The following NEGR1 variants were observed in gnomAD, a reference collection of about 807,000 sequenced individuals.
The protein encoded by NEGR1 is neuronal growth regulator 1, also known as IgLON family member 4.
A neutral mutation model predicts 40.9 loss-of-function variants in NEGR1; 10 were observed. The ratio of observed to expected loss-of-function variants is 0.24; its 90% confidence interval spans 0.15 to 0.42. The LOEUF is 0.42. NEGR1 is among the 10% of genes least tolerant of loss of function. The pLI, the probability that NEGR1 is intolerant of heterozygous loss-of-function variation, is 1.00. For missense variants in NEGR1, 352 were observed against 438.9 expected, an observed-to-expected ratio of 0.80 and a Z score of 1.77; for synonymous variants, 185 against 166.8, an observed-to-expected ratio of 1.11 and a Z score of -0.84.
intron 1 of NEGR1, among the ~76,000 whole-genome samples, chr1:72,230,810 A>G (rs1272431205): frequency 6.6e-6 from 1 of 152,122 alleles, no homozygotes; most frequent in East Asian, 1.9e-4. Context: ...CTCCCAAATA[A>G]TAAATTATAT....
At chr1:72,274,622 G>A in intron 1 of NEGR1, 2 of 808,030 alleles carry the variant, frequency 2.5e-6, no homozygotes, top group Non-Finnish European at 4.5e-6. Context: ...TATGGCCTTG[G>A]AGAACTGCCC....
chr1:71,485,507 C>T (rs1419140238), intron 6 of NEGR1, among the ~76,000 whole-genome samples: 1 of 151,550 alleles, frequency 6.6e-6, no homozygotes, highest in East Asian at 2.0e-4. Context: ...TGGGTTTGGA[C>T]AAGTGCTTAA....
chr1:71,505,444 A>G (rs1033858688), intron 6 of NEGR1, among the ~76,000 whole-genome samples: 2 of 151,928 alleles, frequency 1.3e-5, no homozygotes, highest in African/African-American at 2.4e-5. Flanking sequence ...ACTGCGCCAG[A>G]CTAATTTTTT....
chr1:71,950,491 C>A lies in NEGR1; in HGVS notation c.177-15180G>T, dbSNP rs993030763. 2.6e-5 allele frequency among the ~76,000 whole-genome samples: 4 copies of A among 152,006 alleles called. No individual in the cohort carries two copies. In the South Asian group the frequency reaches 8.3e-4, roughly 31 times the overall value. ...ATATTTTCATCCTCAAATACTGTTT[C>A]ATTCTTGAACCGATTTCCTATGTAA... On this transcript the variant is annotated intron_variant, in intron 1 of 6. Coordinates refer to ENST00000357731, the MANE Select transcript of NEGR1 (RefSeq NM_173808.3).
chr1:71,807,832 A>C (rs1557660060), intron 2 of NEGR1, among the ~76,000 whole-genome samples: 1 of 152,154 alleles, frequency 6.6e-6, no homozygotes, highest in Non-Finnish European at 1.5e-5. Flanking sequence ...ATCACCAAAA[A>C]AGCTCTGAGA....
intron 2 of NEGR1, among the ~76,000 whole-genome samples, chr1:71,796,794 A>C (rs1267151390): frequency 6.6e-6 from 1 of 152,158 alleles, no homozygotes. Context: ...CAAAAGAAGT[A>C]AGTAAATTGC....
intron 1 of NEGR1, among the ~76,000 whole-genome samples, chr1:71,997,952 T>C (rs1167932147): frequency 3.3e-5 from 5 of 151,972 alleles, no homozygotes; most frequent in African/African-American, 1.2e-4. Flanking sequence ...AAAATTAACA[T>C]TTTTAGGCTT....
chr1:72,249,744 G>A (rs1382152859), intron 1 of NEGR1, among the ~76,000 whole-genome samples: 1 of 150,474 alleles, frequency 6.6e-6, no homozygotes, highest in Non-Finnish European at 1.5e-5. Context: ...GAGAAAGAGG[G>A]AGGAGAGATG....
chr1:72,178,689 G>GTT (rs1247429928), intron 1 of NEGR1, among the ~76,000 whole-genome samples: 1,934 of 149,236 alleles, frequency 0.013, 44 homozygotes, highest in African/African-American at 0.045. Flanking sequence ...GCCAGCGTCT[G>GTT]TTTTTTTTTG....
At chr1:72,265,329 TAGTA>T (rs900747987) in intron 1 of NEGR1, among the ~76,000 whole-genome samples, 3 of 151,060 alleles carry the variant, frequency 2.0e-5, no homozygotes, top group East Asian at 1.9e-4. Context: ...AATTTTGTGA[TAGTA>T]AGGTCAATCA....
At chr1:72,000,968 G>A (rs1384068763) in intron 1 of NEGR1, among the ~76,000 whole-genome samples, 1 of 152,016 alleles carries the variant, frequency 6.6e-6, no homozygotes, top group East Asian at 1.9e-4. Flanking sequence ...CAGCCCCATA[G>A]ATAAGAAAGG....
intron 4 of NEGR1, among the ~76,000 whole-genome samples, chr1:71,678,954 T>C (rs188018891): frequency 5.9e-5 from 9 of 152,232 alleles, no homozygotes; most frequent in Admixed American, 5.2e-4. Context: ...CACTCTATCC[T>C]GAAGAATGGA....
chr1:71,837,717 C>T (rs1333649794), intron 2 of NEGR1, among the ~76,000 whole-genome samples: 2 of 151,986 alleles, frequency 1.3e-5, no homozygotes, highest in Admixed American at 6.6e-5. Flanking sequence ...GCAATCCCAC[C>T]TCCCAAACCG....
At chr1:71,801,774 A>G (rs914521523) in intron 2 of NEGR1, among the ~76,000 whole-genome samples, 5 of 152,270 alleles carry the variant, frequency 3.3e-5, no homozygotes, top group African/African-American at 1.2e-4. Flanking sequence ...TTTCGCCCAA[A>G]CACTCCAATA....
At chr1:71,745,541 A>G (rs1655353969) in intron 3 of NEGR1, among the ~76,000 whole-genome samples, 1 of 119,620 alleles carries the variant, frequency 8.4e-6, no homozygotes, top group Non-Finnish European at 2.2e-5. Context: ...TAACTGGACT[A>G]ACCTATTCTT....
chr1:71,885,418 C>T (rs1455972655), intron 2 of NEGR1, among the ~76,000 whole-genome samples: 5 of 152,186 alleles, frequency 3.3e-5, no homozygotes, highest in East Asian at 3.8e-4. Context: ...GTGTTTCTTG[C>T]AGGACATCTA....
intron 1 of NEGR1, among the ~76,000 whole-genome samples, chr1:72,025,609 A>T (rs888073446): frequency 3.3e-5 from 5 of 152,182 alleles, no homozygotes; most frequent in Non-Finnish European, 5.9e-5. Context: ...AAGTTACTGA[A>T]GAAGTTAAAC....
chr1:71,608,335 T>C (rs1393994569), intron 5 of NEGR1, among the ~76,000 whole-genome samples: 1 of 152,128 alleles, frequency 6.6e-6, no homozygotes, highest in Non-Finnish European at 1.5e-5. Flanking sequence ...ACCTTTTCCT[T>C]TTTAGCAAAT....
At chr1:71,638,314 G>A (rs1651230184) in intron 4 of NEGR1, among the ~76,000 whole-genome samples, 1 of 152,030 alleles carries the variant, frequency 6.6e-6, no homozygotes, top group African/African-American at 2.4e-5. Context: ...GCATGTCATA[G>A]TTTTGGAATG....
Sources: gnomAD v4.1 joint callset for allele counts (sites outside exome capture counted in the v4.1 genomes callset) on GRCh38, gnomAD v4.1.1 for gene constraint, MANE v1.5 for transcripts, NCBI Gene and HGNC (gene_info 2026-07-23, HGNC 2026-07-21) for gene names.